The following BRD7 variants were observed in gnomAD, a reference collection of about 807,000 sequenced individuals.
The protein encoded by BRD7 is bromodomain containing 7.
BRD7 carries 15 observed loss-of-function variants against 82.1 expected under a neutral mutation model. The ratio of observed to expected loss-of-function variants is 0.18; its 90% CI spans 0.12 to 0.28. The LOEUF (loss-of-function observed/expected upper bound fraction) is 0.28, where lower values mean the gene tolerates loss of function less well. Ranked by LOEUF, BRD7 falls within the 10% of genes least tolerant of loss-of-function variation. The probability of loss-of-function intolerance (pLI) is 1.00; values close to 1 mark genes in which losing one functional copy is unlikely to be tolerated. For missense variants in BRD7, 638 were observed against 779.9 expected, an observed-to-expected ratio of 0.82 and a Z score of 2.17; for synonymous variants, 232 against 266.9, an observed-to-expected ratio of 0.87 and a Z score of 1.27.
intron 2 of BRD7, among the ~76,000 whole-genome samples, chr16:50,365,938 C>T (rs758967130): frequency 7.9e-5 from 12 of 151,998 alleles, no homozygotes; most frequent in African/African-American, 2.4e-4. Context: ...GAACTGAAGG[C>T]ACAAGTATTC....
intron 13 of BRD7, 139 bp from the exon 14 acceptor site, chr16:50,320,913 C>T (rs1458144116): frequency 1.5e-5 from 10 of 652,774 alleles, no homozygotes; most frequent in Non-Finnish European, 2.7e-5. Context: ...TTGATGCTTA[C>T]AGAAAATGAA....
In BRD7 at chr16:50,363,660, T is replaced by TGC. The variant is rs1555472868; in HGVS notation, c.258+4428_258+4429dup. On this transcript the variant is annotated intron_variant, in intron 2 of 16. Transcript: ENST00000394688. ...GTGTGTTTGTGTGTGTGTGTGTGTG[T>TGC]GCGCGCGCGCGCGTGCGCGTGTGCT... is the stretch of plus-strand genomic sequence containing the variant. Among the ~76,000 whole-genome samples, 520 of 102,500 alleles carry TGC rather than the reference T, an allele frequency of 5.1e-3. 2 individuals carry two copies. The highest frequency in any genetic ancestry group is 0.012 in the African/African-American group (432 of 37,424). 67.2% of individuals were successfully genotyped at this position (102,500 alleles called of 152,430 possible). A position where few individuals can be genotyped will look rare whatever the true frequency, so the allele number is the denominator to read the frequency against.
Position 50,318,416 on chromosome 16 carries a change from T to TCTAG in BRD7, c.*794_*795insCTAG, listed in dbSNP as rs2036921632. 1 of 151,606 alleles carries TCTAG rather than the reference T, an allele frequency of 6.6e-6. No homozygotes were observed. Among genetic ancestry groups the TCTAG allele is most frequent in the Admixed American group, 6.6e-5 (1 of 15,236 alleles). 9.4% of individuals were successfully genotyped at this position (151,606 alleles called of 1,614,324 possible). Reference sequence around the variant, plus strand: ...CTGAACAAGGCTATCTATCTATCTATCTCCATCCTGATTTTTTTCCCTTGT... The same window carrying TCTAG: ...CTGAACAAGGCTATCTATCTATCTATCTAGCTCCATCCTGATTTTTTTCCCTTGT... On this transcript the variant is annotated 3_prime_UTR_variant, in exon 17 of 17. Transcript: ENST00000394688.
chr16:50,365,586 T>G (rs1255997760), intron 2 of BRD7, among the ~76,000 whole-genome samples: 2 of 151,892 alleles, frequency 1.3e-5, no homozygotes, highest in African/African-American at 2.4e-5. Flanking sequence ...AGGAAAAAAC[T>G]TCGATTAATA....
intron 8 of BRD7, among the ~76,000 whole-genome samples, chr16:50,332,790 A>G (rs1428501142): frequency 6.6e-6 from 1 of 152,222 alleles, no homozygotes; most frequent in Non-Finnish European, 1.5e-5. Flanking sequence ...ACCATGGAAT[A>G]CTACACAGCC....
At chr16:50,357,727 T>C (rs1433730086) in intron 2 of BRD7, among the ~76,000 whole-genome samples, 1 of 152,156 alleles carries the variant, frequency 6.6e-6, no homozygotes, top group African/African-American at 2.4e-5. Context: ...GTGCCTGTAA[T>C]CCCAGAGCTT....
intron 2 of BRD7, among the ~76,000 whole-genome samples, chr16:50,359,723 A>C (rs1415729530): frequency 4.6e-5 from 7 of 152,220 alleles, no homozygotes; most frequent in Admixed American, 4.6e-4. Context: ...CTAGTCTTAA[A>C]AACAACAACA....
intron 14 of BRD7, 91 bp from the exon 15 acceptor site, chr16:50,320,482 C>G (rs2037050234): frequency 6.6e-7 from 1 of 1,525,840 alleles, no homozygotes; most frequent in Admixed American, 1.8e-5. Flanking sequence ...ATTGGTTAGC[C>G]TTCTCCCTTC....
At chr16:50,358,362 GGTGTGCA>G (rs2038818728) in intron 2 of BRD7, among the ~76,000 whole-genome samples, 1 of 740 alleles carries the variant, frequency 1.4e-3, no homozygotes, top group Non-Finnish European at 7.2e-3. Context: ...CAGGAGTTTT[GGTGTGCA>G]CCTGGAGTCC....
Position 50,334,903 on chromosome 16 carries a change from T to C in BRD7, c.703-8A>G, listed in dbSNP as rs2037733079. ...CAGGCTCTGAATTCTTTCCTAAACA[T>C]ATTCGAAAATATTCTTATTATATGT... On this transcript the variant is annotated splice_region_variant and splice_polypyrimidine_tract_variant and intron_variant, in intron 6 of 16. Coordinates refer to ENST00000394688, the MANE Select transcript of BRD7 (RefSeq NM_013263.5). The C allele has an allele frequency of 6.2e-7, 1 of 1,602,040 alleles. No individual in the cohort carries two copies. The highest frequency in any genetic ancestry group is 1.4e-5 in the African/African-American group (1 of 73,904).
At chr16:50,345,328 A>G (rs1317572192) in intron 5 of BRD7, among the ~76,000 whole-genome samples, 1 of 152,240 alleles carries the variant, frequency 6.6e-6, no homozygotes, top group Non-Finnish European at 1.5e-5. Context: ...CAAATTGTAA[A>G]GACCATCAAG....
chr16:50,334,022 G>C (rs1018548780), intron 7 of BRD7, among the ~76,000 whole-genome samples: 3 of 152,154 alleles, frequency 2.0e-5, no homozygotes, highest in African/African-American at 7.2e-5. Context: ...TTTAAAGTTT[G>C]ATTTTTAAAA....
Position 50,319,111 on chromosome 16 carries a change from T to A in BRD7, c.*100A>T. ...CAAATTCGCTGTTCCAAAGTTTAAT[T>A]AAAAACACAATTTACAAATATTTAA... On this transcript the variant is annotated 3_prime_UTR_variant, in exon 17 of 17. Transcript: ENST00000394688. The A allele has an allele frequency of 8.2e-7, 1 of 1,223,032 alleles. No individual in the cohort carries two copies. The highest frequency in any genetic ancestry group is 1.1e-6 in the Non-Finnish European group (1 of 871,366). 75.8% of individuals were successfully genotyped at this position (1,223,032 alleles called of 1,614,324 possible). A position where few individuals can be genotyped will look rare whatever the true frequency, so the allele number is the denominator to read the frequency against.
chr16:50,323,680 G>C lies in BRD7; in HGVS notation c.1350C>G (p.Ala450=). 2 of 1,613,664 alleles carry C rather than the reference G, an allele frequency of 1.2e-6. 1 individual carries two copies. Among genetic ancestry groups the C allele is most frequent in the South Asian group, 2.2e-5 (2 of 91,060 alleles). Residue 450 remains alanine, a synonymous_variant, in exon 12 of 17, where the codon GCC becomes GCG. Transcript: ENST00000394688. The stretch of plus-strand genomic sequence containing the variant: ...TGACATACGGATAATCTTGGCACGT[G>C]GCCAAAAACTCATGGATGCTGCAAG... ...PSDFSIHEFL[A]TCQDYPYVMA... is the part of the protein sequence containing the mutation.
At chr16:50,346,352 TAA>T (rs1284519487) in intron 5 of BRD7, among the ~76,000 whole-genome samples, 3 of 152,014 alleles carry the variant, frequency 2.0e-5, no homozygotes, top group South Asian at 4.2e-4. Context: ...ACATCACAAT[TAA>T]AAAAATTAGA....
rs747639437 is a variant in BRD7, at chr16:50,368,180, G to A, written c.168C>T (p.Asp56=). Residue 56 remains aspartate (D), a synonymous_variant, in exon 2 of 17, where the codon GAC becomes GAT. Transcript: ENST00000394688. The stretch of plus-strand genomic sequence containing the variant: ...TTTTCCGCTTTCTGTCCTTGTGTTT[G>A]TCATGATCGTTTTTGTCTTCGAAGA... ...SSLFEDKNDH[D]KHKDRKRKKR... is the part of the protein sequence containing the mutation. 4 of 1,614,124 alleles carry A rather than the reference G, an allele frequency of 2.5e-6. No homozygotes were observed. The highest frequency in any genetic ancestry group is 1.1e-5 in the South Asian group (1 of 91,084).
chr16:50,321,308 C>A (rs1341787508), intron 13 of BRD7, among the ~76,000 whole-genome samples: 2 of 152,104 alleles, frequency 1.3e-5, no homozygotes, highest in Admixed American at 6.5e-5. Context: ...TGCCTGTAAT[C>A]CCAGGACTTC....
rs985587359 is a variant in BRD7, at chr16:50,319,092, C to A, written c.*119G>T. On this transcript the variant is annotated 3_prime_UTR_variant, in exon 17 of 17. Transcript: ENST00000394688. ...GTCCAACCTCTGGAACATCCAAATT[C>A]GCTGTTCCAAAGTTTAATTAAAAAC... 6 of 993,790 alleles carry A rather than the reference C, an allele frequency of 6.0e-6. No homozygotes were observed. The highest frequency in any genetic ancestry group is 2.6e-5 in the Admixed American group (1 of 37,772). 61.6% of individuals were successfully genotyped at this position (993,790 alleles called of 1,614,324 possible). A position where few individuals can be genotyped will look rare whatever the true frequency, so the allele number is the denominator to read the frequency against.
At chr16:50,326,665 TAAAAAC>T (rs1345143089) in intron 9 of BRD7, among the ~76,000 whole-genome samples, 1 of 152,154 alleles carries the variant, frequency 6.6e-6, no homozygotes, top group Non-Finnish European at 1.5e-5. Flanking sequence ...TAATTTTTAT[TAAAAAC>T]AAAAGCCACA....
Sources: allele counts gnomAD v4.1 joint callset (sites outside exome capture counted in the v4.1 genomes callset), GRCh38; gene constraint gnomAD v4.1.1; transcripts MANE v1.5; gene names NCBI Gene and HGNC (gene_info 2026-07-23, HGNC 2026-07-21).